GABBR2: variants seen among roughly 807,000 people sequenced by gnomAD.
GABBR2 encodes the protein gamma-aminobutyric acid type B receptor subunit 2.
GABBR2 carries 23 observed loss-of-function variants against 105.6 expected under a neutral mutation model. The observed-to-expected ratio is 0.22, with a 90% confidence interval of 0.16 to 0.31. GABBR2 has a LOEUF of 0.31. Ranked by LOEUF, GABBR2 falls within the 10% of genes least tolerant of loss-of-function variation. GABBR2 has a pLI of 1.00. For synonymous variants in GABBR2, 478 were observed against 499.7 expected (o/e 0.96, Z 0.58); for missense variants, 734 against 1,245.5 (o/e 0.59, Z 6.18).
At chr9:98,698,001 T>C (rs10987486) in intron 1 of GABBR2, among the ~76,000 whole-genome samples, 11,642 of 152,300 alleles carry the variant, frequency 0.076, 878 homozygotes, top group African/African-American at 0.19. Flanking sequence ...GATAATACAG[T>C]GATGATTATT....
chr9:98,634,739 CTATACTA>C (rs1829855892), intron 1 of GABBR2, among the ~76,000 whole-genome samples: 16 of 152,142 alleles, frequency 1.1e-4, no homozygotes, highest in Admixed American at 1.0e-3. Flanking sequence ...AAATGATAGA[CTATACTA>C]TCCCGATCAA....
chr9:98,304,971 C>T (rs1427680928), intron 15 of GABBR2, among the ~76,000 whole-genome samples: 1 of 152,070 alleles, frequency 6.6e-6, no homozygotes, highest in Non-Finnish European at 1.5e-5. Context: ...CAGGGTGTCA[C>T]CATGTTGCTC....
intron 3 of GABBR2, among the ~76,000 whole-genome samples, chr9:98,541,114 C>A (rs1828295996): frequency 6.6e-6 from 1 of 152,144 alleles, no homozygotes; most frequent in South Asian, 2.1e-4. Flanking sequence ...TACGATATAC[C>A]CATCTGACAG....
Position 98,671,393 on chromosome 9 carries a change from C to T in GABBR2, c.321+37024G>A, listed in dbSNP as rs528541036. The stretch of plus-strand genomic sequence containing the variant: ...ATCTACCACATTTTGTTTGTCCATT[C>T]GTCAGTTGATGGACATTTAGATTCT... On this transcript the variant is annotated intron_variant, in intron 1 of 18. Transcript: ENST00000259455. Among the ~76,000 whole-genome samples, 8 of 152,278 alleles carry T rather than the reference C, an allele frequency of 5.3e-5. No homozygotes were observed. The East Asian group carries it at 5.8e-4, about 11-fold the overall frequency.
At position 98,290,735 on chromosome 9, in the gene GABBR2, A is replaced by G; in HGVS notation, c.2675T>C (p.Leu892Pro). The G allele has an allele frequency of 6.7e-7, 1 of 1,486,862 alleles. No homozygotes were observed. The highest frequency in any genetic ancestry group is 2.9e-5 in the Admixed American group (1 of 34,020). 92.1% of individuals were successfully genotyped at this position (1,486,862 alleles called of 1,614,324 possible). ...GTGGAGGATGGGGAGCTGGAGGGAC[A>G]GCCGACGCTGGATGCTGAAGAGAAG... ...INSPEHIQRR[L>P]SLQLPILHHA... Residue 892 changes from leucine (L) to proline (P), a missense_variant, in exon 19 of 19, where the codon CTG becomes CCG. By Grantham distance (98) the Leu-to-Pro change is moderately conservative. Coordinates refer to ENST00000259455, the MANE Select transcript of GABBR2 (RefSeq NM_005458.8).
intron 9 of GABBR2, 51 bp from the exon 10 acceptor site, chr9:98,389,055 G>A (rs376738290): frequency 6.5e-6 from 10 of 1,529,218 alleles, no homozygotes; most frequent in South Asian, 2.4e-5. Flanking sequence ...GTCATTCCCC[G>A]AGAACACCTT....
chr9:98,622,404 G>A (rs974272559), intron 1 of GABBR2, among the ~76,000 whole-genome samples: 2 of 152,070 alleles, frequency 1.3e-5, no homozygotes, highest in Admixed American at 6.6e-5. Flanking sequence ...GGACTGAAGC[G>A]ATCCTCCTGT....
chr9:98,525,717 A>G (rs1230699723), intron 3 of GABBR2, among the ~76,000 whole-genome samples: 1 of 152,204 alleles, frequency 6.6e-6, no homozygotes, highest in Non-Finnish European at 1.5e-5. Context: ...CTTGTACACA[A>G]TGTTCATGGC....
At chr9:98,670,788 T>C (rs1830397477) in intron 1 of GABBR2, among the ~76,000 whole-genome samples, 5 of 152,138 alleles carry the variant, frequency 3.3e-5, no homozygotes, top group Admixed American at 3.3e-4. Flanking sequence ...GTCAATATTG[T>C]AGAGACAGAA....
chr9:98,386,641 G>GC (rs776294450), intron 10 of GABBR2, among the ~76,000 whole-genome samples: 19 of 152,248 alleles, frequency 1.2e-4, no homozygotes, highest in African/African-American at 3.1e-4. Flanking sequence ...GTAGGTGCCT[G>GC]GCCCCCCCAG....
intron 1 of GABBR2, among the ~76,000 whole-genome samples, chr9:98,621,662 G>T (rs1829672567): frequency 6.6e-6 from 1 of 152,136 alleles, no homozygotes; most frequent in African/African-American, 2.4e-5. Flanking sequence ...GAAAATTAAG[G>T]TCCCTTCTCC....
At chr9:98,447,994 T>C (rs1042945037) in intron 7 of GABBR2, among the ~76,000 whole-genome samples, 1 of 152,150 alleles carries the variant, frequency 6.6e-6, no homozygotes, top group Non-Finnish European at 1.5e-5. Context: ...TCTGCTGTTC[T>C]TCATCACCTT....
intron 1 of GABBR2, among the ~76,000 whole-genome samples, chr9:98,642,807 A>T (rs904856961): frequency 2.0e-5 from 3 of 152,166 alleles, no homozygotes; most frequent in East Asian, 3.8e-4. Flanking sequence ...CTTACTGTGG[A>T]TCTGTCAGAA....
Position 98,394,211 on chromosome 9 carries a change from T to C in GABBR2, c.1342A>G (p.Thr448Ala), listed in dbSNP as rs755296804. ...ATGGTGTCATTGATGATCTCCAGTG[T>C]GTCGGCCACAGCGTTGTACTCTCCC... is the stretch of plus-strand genomic sequence containing the variant. ...KVGEYNAVAD[T>A]LEIINDTIRF... is the part of the protein sequence containing the mutation. Residue 448 changes from threonine (T) to alanine (A), a missense_variant, in exon 9 of 19, where the codon ACA (threonine) becomes GCA (alanine). By Grantham distance (58) the Thr-to-Ala change is moderately conservative. Around this residue, in one of 7 missense-constraint regions of GABBR2, gnomAD observed 370 missense variants for 648.9 expected, o/e 0.57. Coordinates refer to ENST00000259455, the MANE Select transcript of GABBR2 (RefSeq NM_005458.8). 3.1e-6 allele frequency: 5 copies of C among 1,614,054 alleles called. No individual in the cohort carries two copies. Among genetic ancestry groups the C allele is most frequent in the Non-Finnish European group, 3.4e-6 (4 of 1,179,900 alleles).
At chr9:98,575,717 G>A (rs10986806) in intron 2 of GABBR2, among the ~76,000 whole-genome samples, 34,108 of 152,114 alleles carry the variant, frequency 0.22, 4,164 homozygotes, top group South Asian at 0.31. Flanking sequence ...AGGCTCCCAC[G>A]GCACACTGAG....
intron 1 of GABBR2, among the ~76,000 whole-genome samples, chr9:98,638,845 CTTAG>C (rs879334582): frequency 6.6e-6 from 1 of 152,166 alleles, no homozygotes; most frequent in African/African-American, 2.4e-5. Context: ...GAACTCAGAT[CTTAG>C]TTATAGATTA....
intron 2 of GABBR2, among the ~76,000 whole-genome samples, chr9:98,574,146 A>G (rs1828878315): frequency 1.3e-5 from 2 of 152,212 alleles, no homozygotes; most frequent in African/African-American, 4.8e-5. Flanking sequence ...TTGCTGGGCA[A>G]CTGGAGTTCC....
At chr9:98,505,734 T>C (rs533821537) in intron 3 of GABBR2, among the ~76,000 whole-genome samples, 1 of 151,234 alleles carries the variant, frequency 6.6e-6, no homozygotes, top group South Asian at 2.1e-4. Flanking sequence ...AGGCAGAGGG[T>C]GGAGTGATGC....
chr9:98,559,476 T>C (rs1344900958), intron 2 of GABBR2, among the ~76,000 whole-genome samples: 1 of 152,226 alleles, frequency 6.6e-6, no homozygotes, highest in Non-Finnish European at 1.5e-5. Flanking sequence ...AAAATGAAAA[T>C]TGCTGAACCA....
Sources: allele counts gnomAD v4.1 joint callset (sites outside exome capture counted in the v4.1 genomes callset), GRCh38; gene constraint gnomAD v4.1.1; regional missense constraint gnomAD v4.1.1; transcripts MANE v1.5; gene names NCBI Gene and HGNC (gene_info 2026-07-23, HGNC 2026-07-21).